DCBLD1: variants seen among roughly 807,000 people sequenced by gnomAD.
DCBLD1 encodes the protein discoidin, CUB and LCCL domain containing 1, also known as discoidin, CUB and LCCL domain-containing protein 1.
DCBLD1 carries 57 observed loss-of-function variants against 71.5 expected under a neutral mutation model. The observed-to-expected ratio is 0.80, with a 90% CI of 0.64 to 0.99. DCBLD1 has a LOEUF of 0.99. Ranked by LOEUF, DCBLD1 falls within the 50% of genes least tolerant of loss-of-function variation. DCBLD1 has a pLI of 0.00. For synonymous variants in DCBLD1, 380 were observed against 363.8 expected (o/e 1.04, Z -0.51); for missense variants, 891 against 923.5 (o/e 0.96, Z 0.46).
chr6:117,541,901 T>C (rs747439265), intron 11 of DCBLD1, among the ~76,000 whole-genome samples: 35 of 152,234 alleles, frequency 2.3e-4, no homozygotes, highest in Non-Finnish European at 4.1e-4. Context: ...AATGTCTTTA[T>C]AGTATTTTTT....
At position 117,548,219 on chromosome 6, in the gene DCBLD1, C is replaced by T. The variant is rs1474472385; in HGVS notation, c.1928C>T (p.Ala643Val). The T allele has an allele frequency of 5.8e-6, 9 of 1,550,430 alleles. No homozygotes were observed. The highest frequency in any genetic ancestry group is 2.4e-5 in the East Asian group (1 of 40,916). The change falls in exon 15 of 15, where the codon GCG becomes GTG. Residue 643 changes from alanine (A) to valine (V), a missense_variant. By Grantham distance (64) the Ala-to-Val change is moderately conservative (BLOSUM62 0). Transcript: ENST00000338728. ...SLSSGGFSPV[A>V]GVGAQDGDYQ... ...TCCTCGGGCGGCTTCTCCCCCGTAG[C>T]GGGTGTGGGCGCCCAGGACGGAGAC... is the stretch of plus-strand genomic sequence containing the variant.
chr6:117,537,607 G>A (rs74898445), intron 7 of DCBLD1, among the ~76,000 whole-genome samples: 13,228 of 122,314 alleles, frequency 0.11, 1,328 homozygotes, highest in African/African-American at 0.25. Flanking sequence ...TTCAGATTAT[G>A]TAGTTTAAAA....
At chr6:117,563,354 T>G in intron 14 of DCBLD1, 2 of 1,613,604 alleles carry the variant, frequency 1.2e-6, no homozygotes, top group Non-Finnish European at 1.7e-6. Context: ...TCCATTTTCA[T>G]GTGTGTCAGT....
At chr6:117,501,256 C>T (rs1421893047) in intron 1 of DCBLD1, among the ~76,000 whole-genome samples, 1 of 152,126 alleles carries the variant, frequency 6.6e-6, no homozygotes, top group Non-Finnish European at 1.5e-5. Flanking sequence ...GTGTTTGGCT[C>T]CTTTCAAGGG....
intron 1 of DCBLD1, among the ~76,000 whole-genome samples, chr6:117,492,736 T>C (rs1777335906): frequency 6.6e-6 from 1 of 152,208 alleles, no homozygotes; most frequent in Admixed American, 6.5e-5. Context: ...TTTATGAGGT[T>C]TATTTTTTCT....
rs771685812 is a variant in DCBLD1, at chr6:117,503,834, G to A, written c.180G>A (p.Gly60=). ...CAATGACATCTAAGAATTATCCCGG[G>A]ACCTACCCCAATCACACTGTTTGCG... ...SGTMTSKNYP[G]TYPNHTVCEK... The change falls in exon 2 of 15, where the codon GGG becomes GGA. Residue 60 remains glycine, a synonymous_variant. Transcript: ENST00000338728. 20 of 1,613,838 alleles carry A rather than the reference G, an allele frequency of 1.2e-5. No individual in the cohort carries two copies. In the South Asian group the frequency reaches 2.1e-4, roughly 17 times the overall value.
At chr6:117,556,114 G>A (rs1779492128) in intron 14 of DCBLD1, among the ~76,000 whole-genome samples, 1 of 152,182 alleles carries the variant, frequency 6.6e-6, no homozygotes, top group African/African-American at 2.4e-5. Flanking sequence ...TTACCAAATT[G>A]CAAATTCTAC....
chr6:117,512,793 G>A (rs1306138858), intron 2 of DCBLD1, among the ~76,000 whole-genome samples: 1 of 151,828 alleles, frequency 6.6e-6, no homozygotes, highest in African/African-American at 2.4e-5. Flanking sequence ...TTATGTTGTT[G>A]TTGTTGTCGA....
At chr6:117,509,120 G>C (rs906357592) in intron 2 of DCBLD1, among the ~76,000 whole-genome samples, 6 of 152,128 alleles carry the variant, frequency 3.9e-5, no homozygotes, top group African/African-American at 1.4e-4. Context: ...AACTTTCTGT[G>C]TCTCTATTCC....
downstream of DCBLD1, among the ~76,000 whole-genome samples, chr6:117,554,469 TC>T (rs1779470490): frequency 6.6e-6 from 1 of 152,236 alleles, no homozygotes; most frequent in Admixed American, 6.5e-5. Flanking sequence ...TCCATAGGAC[TC>T]CTCCCTAGAG....
At chr6:117,503,340 T>TCTC (rs1777726669) in intron 1 of DCBLD1, among the ~76,000 whole-genome samples, 1 of 152,246 alleles carries the variant, frequency 6.6e-6, no homozygotes, top group South Asian at 2.1e-4. Flanking sequence ...AGGAGCATTT[T>TCTC]CTGTACATTA....
intron 5 of DCBLD1, among the ~76,000 whole-genome samples, chr6:117,530,839 A>C (rs1778693979): frequency 6.6e-6 from 1 of 152,242 alleles, no homozygotes; most frequent in Admixed American, 6.5e-5. Flanking sequence ...AAGATGAAAA[A>C]GCAACCTGCA....
At chr6:117,559,588 GAT>G (rs1779544251) in intron 14 of DCBLD1, among the ~76,000 whole-genome samples, 1 of 152,122 alleles carries the variant, frequency 6.6e-6, no homozygotes, top group Non-Finnish European at 1.5e-5. Flanking sequence ...AGAACTGACA[GAT>G]GCATTCTCAT....
At chr6:117,552,828 C>T (rs13202536), downstream of DCBLD1, among the ~76,000 whole-genome samples, 7,862 of 152,198 alleles carry the variant, frequency 0.052, 291 homozygotes, top group Admixed American at 0.14. Context: ...CTCAAAACCC[C>T]CTGAGTTCTT....
intron 6 of DCBLD1, 126 bp downstream of exon 6, chr6:117,532,519 T>C (rs1406159679): frequency 1.6e-6 from 2 of 1,219,580 alleles, no homozygotes; most frequent in East Asian, 2.6e-5. Context: ...TGGAAAAATA[T>C]GCATGAGTGC....
At chr6:117,530,518 C>T (rs1194613260) in intron 5 of DCBLD1, among the ~76,000 whole-genome samples, 2 of 152,158 alleles carry the variant, frequency 1.3e-5, no homozygotes, top group African/African-American at 4.8e-5. Context: ...GGCCCGGTTC[C>T]TAACAGGCCA....
chr6:117,525,496 AAATT>A lies in DCBLD1; in HGVS notation c.585+68_585+71del, dbSNP rs1778520088. On this transcript the variant is annotated intron_variant, in intron 5 of 14. Coordinates refer to ENST00000338728, the MANE Select transcript of DCBLD1 (RefSeq NM_001366458.2). ...AAGGAGTAAGTGCTTTACTCTGCCTAAATTAATTACTGAGTAAAGTCAAATGAGA... is the reference window on the plus strand; with the variant it reads ...AAGGAGTAAGTGCTTTACTCTGCCTAAATTACTGAGTAAAGTCAAATGAGA... 21 of 1,233,992 alleles carry A rather than the reference AAATT, an allele frequency of 1.7e-5. No individual in the cohort carries two copies. In the South Asian group the frequency reaches 4.0e-4, roughly 23 times the overall value. 76.4% of individuals were successfully genotyped at this position (1,233,992 alleles called of 1,614,324 possible).
intron 14 of DCBLD1, chr6:117,561,069 C>G (rs1779575531): frequency 4.5e-6 from 1 of 223,538 alleles, no homozygotes; most frequent in Non-Finnish European, 8.9e-6. Flanking sequence ...ACAGTAGCAT[C>G]TGAGCAACGG....
intron 4 of DCBLD1, among the ~76,000 whole-genome samples, chr6:117,522,878 A>G (rs1164695437): frequency 6.6e-6 from 1 of 152,208 alleles, no homozygotes; most frequent in African/African-American, 2.4e-5. Context: ...GCTGAGGGCT[A>G]CACACCTCGT....
Sources: allele counts gnomAD v4.1 joint callset (sites outside exome capture counted in the v4.1 genomes callset), GRCh38; gene constraint gnomAD v4.1.1; transcripts MANE v1.5; gene names NCBI Gene and HGNC (gene_info 2026-07-23, HGNC 2026-07-21).